CEP83: variants seen among roughly 807,000 people sequenced by gnomAD.
CEP83 encodes the protein centrosomal protein of 83 kDa.
In CEP83, 70 loss-of-function variants were observed where a neutral mutation model predicts 101.9. The observed-to-expected ratio is 0.69, with a 90% CI of 0.57 to 0.84. CEP83 has a LOEUF of 0.84. Among genes scored for constraint, CEP83 ranks in the 40% least tolerant of loss-of-function variants. The probability of loss-of-function intolerance (pLI) is 0.00; values close to 1 mark genes in which losing one functional copy is unlikely to be tolerated. For missense variants in CEP83, 715 were observed against 787.2 expected (o/e 0.91, Z 1.10); for synonymous variants, 264 against 267.9 (o/e 0.99, Z 0.14).
At chr12:94,447,121 A>G (rs1205491233) in intron 1 of CEP83, among the ~76,000 whole-genome samples, 1 of 152,240 alleles carries the variant, frequency 6.6e-6, no homozygotes, top group African/African-American at 2.4e-5. Context: ...AGACATTTTC[A>G]GATAGATAAC....
intron 11 of CEP83, among the ~76,000 whole-genome samples, chr12:94,364,125 T>C (rs1002233188): frequency 6.6e-6 from 1 of 152,144 alleles, no homozygotes; most frequent in Non-Finnish European, 1.5e-5. Context: ...AGGGGAGTTA[T>C]TGTTTAATGG....
intron 11 of CEP83, among the ~76,000 whole-genome samples, chr12:94,360,244 T>G (rs1168345841): frequency 6.6e-6 from 1 of 152,090 alleles, no homozygotes; most frequent in African/African-American, 2.4e-5. Context: ...CTTGTCAATC[T>G]TATTCAACAC....
At position 94,307,736 on chromosome 12, in the gene CEP83, C is replaced by T. The variant is rs770734959; in HGVS notation, c.*1077G>A. On this transcript the variant is annotated 3_prime_UTR_variant, in exon 17 of 17. Transcript: ENST00000397809. ...ATAGTTTTTTTATTCTAAGTGGCTCCGTGGAAATTATTTTTCAGAGATAAG... is the reference window on the plus strand; with the variant it reads ...ATAGTTTTTTTATTCTAAGTGGCTCTGTGGAAATTATTTTTCAGAGATAAG... The T allele has an allele frequency of 1.1e-4, 16 of 150,832 alleles. No homozygotes were observed. The highest frequency in any genetic ancestry group is 1.9e-4 in the Non-Finnish European group (13 of 67,836). 9.3% of individuals were successfully genotyped at this position (150,832 alleles called of 1,614,324 possible).
intron 1 of CEP83, among the ~76,000 whole-genome samples, chr12:94,453,650 A>T (rs955523343): frequency 2.6e-5 from 4 of 152,220 alleles, no homozygotes; most frequent in African/African-American, 9.6e-5. Flanking sequence ...CCCATATATA[A>T]GAGAAATAAA....
chr12:94,362,902 A>T (rs1317807106), intron 11 of CEP83, among the ~76,000 whole-genome samples: 1 of 151,978 alleles, frequency 6.6e-6, no homozygotes, highest in Non-Finnish European at 1.5e-5. Context: ...ACAAGTATGG[A>T]GGACAATTGT....
At chr12:94,312,609 T>C (rs1970040327) in intron 15 of CEP83, 3 of 985,340 alleles carry the variant, frequency 3.0e-6, no homozygotes, top group African/African-American at 1.7e-5. Context: ...TTCAGAACTA[T>C]GCAATAGCTA....
chr12:94,359,628 T>A (rs1308814813), intron 11 of CEP83, among the ~76,000 whole-genome samples: 1 of 152,034 alleles, frequency 6.6e-6, no homozygotes, highest in Non-Finnish European at 1.5e-5. Flanking sequence ...GTAACAAGAC[T>A]GCATCATCAA....
At chr12:94,347,872 T>C (rs1174517621) in intron 11 of CEP83, among the ~76,000 whole-genome samples, 1 of 152,154 alleles carries the variant, frequency 6.6e-6, no homozygotes, top group Non-Finnish European at 1.5e-5. Context: ...ATGGTGAGGA[T>C]TGTACAACTG....
At chr12:94,293,158 T>C in the CEP83 span, among the ~76,000 whole-genome samples, 1 of 152,354 alleles carries the variant, frequency 6.6e-6, no homozygotes, top group East Asian at 1.9e-4. Flanking sequence ...CCATGTGGCG[T>C]GTAACAGTAG....
At chr12:94,372,476 C>A (rs545226670) in intron 8 of CEP83, among the ~76,000 whole-genome samples, 7 of 152,026 alleles carry the variant, frequency 4.6e-5, no homozygotes, top group Admixed American at 1.3e-4. Flanking sequence ...AAAGAAAATC[C>A]AATCACTATG....
chr12:94,304,876 AGGAATGCTTGCTGTGCTT>A (rs1453405277), downstream of CEP83, among the ~76,000 whole-genome samples: 1 of 152,230 alleles, frequency 6.6e-6, no homozygotes, highest in Non-Finnish European at 1.5e-5. Context: ...TTGGCTGCCC[AGGAATGCTTGCTGTGCTT>A]GGAATGGCTG....
At chr12:94,267,166 C>G in the CEP83 span, among the ~76,000 whole-genome samples, 5 of 152,258 alleles carry the variant, frequency 3.3e-5, no homozygotes, top group African/African-American at 1.2e-4. Flanking sequence ...GAAATATTTG[C>G]AAATGATTAT....
At chr12:94,390,941 G>T (rs1389241251) in intron 6 of CEP83, among the ~76,000 whole-genome samples, 1 of 152,094 alleles carries the variant, frequency 6.6e-6, no homozygotes, top group African/African-American at 2.4e-5. Context: ...AGAGCAAAAA[G>T]AAACGAACAA....
At chr12:94,345,552 G>A (rs955815934) in intron 11 of CEP83, among the ~76,000 whole-genome samples, 2 of 151,916 alleles carry the variant, frequency 1.3e-5, no homozygotes, top group Admixed American at 6.6e-5. Context: ...TTTTACCTGC[G>A]CCTTTTTCTC....
intron 11 of CEP83, among the ~76,000 whole-genome samples, chr12:94,346,350 GC>G (rs2059931814): frequency 6.6e-6 from 1 of 150,876 alleles, no homozygotes; most frequent in South Asian, 2.1e-4. Context: ...ACCGCACCTG[GC>G]CTATTATTTC....
rs773952808 is a variant in CEP83 at position 94,331,778 on chromosome 12, A to G, written c.1629T>C (p.His543=). ...IQWLEEKHKL[H]ERITDREEKY... ...TTTCTTCTCTGTCTGTGATACGCTC[A>G]TGAAGCTTATGCTTTTCTTCCAACC... Residue 543 remains histidine (H), a synonymous_variant, in exon 14 of 17, where the codon CAT becomes CAC. Transcript: ENST00000397809. 1 of 1,612,870 alleles carries G rather than the reference A, an allele frequency of 6.2e-7. No individual in the cohort carries two copies.
At chr12:94,429,558 A>G (rs866125068) in intron 2 of CEP83, among the ~76,000 whole-genome samples, 1 of 152,296 alleles carries the variant, frequency 6.6e-6, no homozygotes, top group African/African-American at 2.4e-5. Context: ...TGACATACCC[A>G]GCCCACAGCT....
intron 11 of CEP83, among the ~76,000 whole-genome samples, chr12:94,365,366 T>C (rs1246748789): frequency 6.6e-6 from 1 of 152,208 alleles, no homozygotes; most frequent in Non-Finnish European, 1.5e-5. Flanking sequence ...CAAAACTGCG[T>C]ATGATTTACC....
intron 4 of CEP83, among the ~76,000 whole-genome samples, chr12:94,411,326 C>T (rs2063866062): frequency 2.0e-5 from 3 of 152,046 alleles, no homozygotes; most frequent in Non-Finnish European, 4.4e-5. Context: ...TTAAGAATAG[C>T]TGTCCTTTTT....
Sources: allele counts gnomAD v4.1 joint callset (sites outside exome capture counted in the v4.1 genomes callset), GRCh38; gene constraint gnomAD v4.1.1; transcripts MANE v1.5; gene names NCBI Gene and HGNC (gene_info 2026-07-23, HGNC 2026-07-21).